EYS: variants seen among roughly 807,000 people sequenced by gnomAD.
EYS encodes the protein protein eyes shut homolog.
Under a neutral mutation model 282.1 loss-of-function variants are expected in EYS, and 250 were observed. The ratio of observed to expected loss-of-function variants is 0.89; its 90% CI spans 0.80 to 0.98. The LOEUF is 0.98. Ranked by LOEUF, EYS falls within the 50% of genes least tolerant of loss-of-function variation. The probability of loss-of-function intolerance (pLI) is 0.00; values close to 1 mark genes in which losing one functional copy is unlikely to be tolerated. For synonymous variants in EYS, 1,355 were observed against 1,282.9 expected (o/e 1.06, Z -1.20); for missense variants, 4,016 against 3,709.0 (o/e 1.08, Z -2.15).
chr6:65,570,701 G>T (rs2127352156), intron 2 of EYS, among the ~76,000 whole-genome samples: 1 of 152,240 alleles, frequency 6.6e-6, no homozygotes. Context: ...TTCCTACAGT[G>T]TATCTAGAAA....
At chr6:63,945,465 C>T (rs1323365700) in intron 35 of EYS, among the ~76,000 whole-genome samples, 1 of 152,034 alleles carries the variant, frequency 6.6e-6, no homozygotes, top group Non-Finnish European at 1.5e-5. Flanking sequence ...GCCATATATA[C>T]AGGTAGGTTT....
rs113615518 is a variant in EYS, at chr6:65,535,521, T to C, written c.-332-39528A>G. Among the ~76,000 whole-genome samples the C allele has an allele frequency of 7.0e-3, 1,070 of 152,260 alleles. 14 individuals carry two copies. Among genetic ancestry groups the C allele is most frequent in the African/African-American group, 0.024 (982 of 41,550 alleles). ...CATGATTATGAGGCCTCTCCAGCCA[T>C]GTGGAAGTGTGAGTCCTTTAAACTT... On this transcript the variant is annotated intron_variant, in intron 2 of 42. Coordinates refer to ENST00000503581, the MANE Select transcript of EYS (RefSeq NM_001142800.2).
intron 12 of EYS, among the ~76,000 whole-genome samples, chr6:65,198,934 T>A (rs1765834896): frequency 6.6e-6 from 1 of 152,032 alleles, no homozygotes; most frequent in African/African-American, 2.4e-5. Context: ...AGTATTTGGC[T>A]TGAGAGAATG....
chr6:65,237,382 T>G (rs984208185), intron 12 of EYS, among the ~76,000 whole-genome samples: 4 of 152,170 alleles, frequency 2.6e-5, no homozygotes, highest in Non-Finnish European at 4.4e-5. Context: ...CTCTAGAGAC[T>G]TGAATAGTAT....
chr6:65,309,020 A>C (rs1244620488), intron 11 of EYS, among the ~76,000 whole-genome samples: 1 of 152,182 alleles, frequency 6.6e-6, no homozygotes, highest in African/African-American at 2.4e-5. Context: ...CAAGGAGAAA[A>C]AAGTCATGCA....
chr6:64,326,098 A>G (rs1770411082), intron 29 of EYS, among the ~76,000 whole-genome samples: 1 of 152,218 alleles, frequency 6.6e-6, no homozygotes, highest in Non-Finnish European at 1.5e-5. Context: ...GCCTAGGCAT[A>G]TTGTCATCAT....
chr6:65,081,784 A>G (rs1774236506), intron 12 of EYS, among the ~76,000 whole-genome samples: 1 of 152,092 alleles, frequency 6.6e-6, no homozygotes, highest in Admixed American at 6.6e-5. Context: ...AAGAACATCT[A>G]GGAAAATAAG....
At chr6:65,191,312 T>A (rs1338571675) in intron 12 of EYS, among the ~76,000 whole-genome samples, 1 of 151,842 alleles carries the variant, frequency 6.6e-6, no homozygotes, top group Non-Finnish European at 1.5e-5. Context: ...GCGATAAGAA[T>A]AGTGAATATG....
chr6:65,682,639 T>C (rs1406558451), intron 1 of EYS, among the ~76,000 whole-genome samples: 2 of 151,930 alleles, frequency 1.3e-5, no homozygotes. Context: ...TCAAGAGCTA[T>C]AAGACACAGT....
chr6:64,395,152 A>G (rs368535745), intron 28 of EYS, among the ~76,000 whole-genome samples: 6 of 151,920 alleles, frequency 3.9e-5, no homozygotes, highest in South Asian at 4.2e-4. Flanking sequence ...GAGAGGATGT[A>G]GAGAAATAGG....
At chr6:65,379,731 C>A (rs546568739) in intron 8 of EYS, among the ~76,000 whole-genome samples, 1 of 152,070 alleles carries the variant, frequency 6.6e-6, no homozygotes, top group African/African-American at 2.4e-5. Flanking sequence ...TCGTCTCAGT[C>A]CAACAACTCC....
At chr6:64,895,545 T>C (rs1767434287) in intron 18 of EYS, among the ~76,000 whole-genome samples, 1 of 152,158 alleles carries the variant, frequency 6.6e-6, no homozygotes, top group South Asian at 2.1e-4. Flanking sequence ...CCTACTAGTA[T>C]TGAGATATTT....
chr6:64,731,392 T>C (rs923608172), intron 22 of EYS, among the ~76,000 whole-genome samples: 1 of 151,976 alleles, frequency 6.6e-6, no homozygotes, highest in African/African-American at 2.4e-5. Context: ...GCCTACAGAA[T>C]GGGAAAACAT....
intron 5 of EYS, among the ~76,000 whole-genome samples, chr6:65,456,227 C>A (rs765873402): frequency 6.6e-6 from 1 of 151,838 alleles, no homozygotes; most frequent in African/African-American, 2.4e-5. Context: ...CTGAGGCAGG[C>A]GAATCACGAG....
chr6:65,144,780 T>A (rs951701625), intron 12 of EYS, among the ~76,000 whole-genome samples: 5 of 151,920 alleles, frequency 3.3e-5, no homozygotes, highest in African/African-American at 1.2e-4. Flanking sequence ...TTTTTTTTTT[T>A]TTGAGATGGA....
intron 29 of EYS, among the ~76,000 whole-genome samples, chr6:64,322,044 C>T (rs920248559): frequency 2.0e-5 from 3 of 151,892 alleles, no homozygotes; most frequent in Non-Finnish European, 4.4e-5. Flanking sequence ...GTCAAATTCC[C>T]CATACAAATA....
intron 7 of EYS, among the ~76,000 whole-genome samples, chr6:65,395,056 CTTTA>C (rs1399077766): frequency 1.3e-5 from 2 of 152,128 alleles, no homozygotes; most frequent in Non-Finnish European, 2.9e-5. Context: ...CCCAACCTTA[CTTTA>C]TTTGTTTGTC....
At chr6:64,113,865 C>T (rs911181821) in intron 31 of EYS, among the ~76,000 whole-genome samples, 4 of 152,138 alleles carry the variant, frequency 2.6e-5, no homozygotes, top group African/African-American at 4.8e-5. Flanking sequence ...GTCTACATCA[C>T]GAGTTGGCAA....
At chr6:65,477,405 T>G (rs1446504023) in intron 5 of EYS, among the ~76,000 whole-genome samples, 2 of 152,186 alleles carry the variant, frequency 1.3e-5, no homozygotes, top group African/African-American at 4.8e-5. Flanking sequence ...ATTAAAAGAC[T>G]TACACTTTAC....
Sources: allele counts gnomAD v4.1 joint callset (sites outside exome capture counted in the v4.1 genomes callset), GRCh38; gene constraint gnomAD v4.1.1; transcripts MANE v1.5; gene names NCBI Gene and HGNC (gene_info 2026-07-23, HGNC 2026-07-21).